Variants in PVT1 observed in about 807,000 individuals in gnomAD.
The protein encoded by PVT1 is CXCR4/PVT1 fusion.
At chr8:127,962,228 G>A (rs1303380611) in intron 3 of PVT1, among the ~76,000 whole-genome samples, 1 of 152,222 alleles carries the variant, frequency 6.6e-6, no homozygotes, top group East Asian at 1.9e-4. Context: ...GCCTCCCAAA[G>A]TGCTGGGATT....
chr8:127,909,615 A>G lies in PVT1; in HGVS notation n.782+18617A>G, dbSNP rs190058279. Among the ~76,000 whole-genome samples, 110 of 152,304 alleles carry G rather than the reference A, an allele frequency of 7.2e-4. 1 individual carries two copies. Among genetic ancestry groups the G allele is most frequent in the African/African-American group, 2.5e-3 (102 of 41,562 alleles). On this transcript the variant is annotated intron_variant and non_coding_transcript_variant, in intron 3 of 10. Transcript: ENST00000651587. ...CTCATGGGCAACTGTTTTTCATTTA[A>G]GAACTGAGTGGATTGGACCTTTAAG...
intron 4 of PVT1, among the ~76,000 whole-genome samples, chr8:128,011,087 T>C (rs1817308567): frequency 6.6e-6 from 1 of 152,186 alleles, no homozygotes; most frequent in Non-Finnish European, 1.5e-5. Context: ...GCTCATTCTG[T>C]CTTAAGGTGC....
Position 127,984,924 on chromosome 8 carries a change from TTTC to T in PVT1, n.783-4236_783-4234del, listed in dbSNP as rs1563657676. Among the ~76,000 whole-genome samples the T allele has an allele frequency of 2.2e-4, 28 of 129,090 alleles. No individual in the cohort carries two copies. In the East Asian group the frequency reaches 2.6e-3, roughly 12 times the overall value. 84.7% of individuals were successfully genotyped at this position (129,090 alleles called of 152,430 possible). A position where few individuals can be genotyped will look rare whatever the true frequency, so the allele number is the denominator to read the frequency against. ...TTCTTTCTTTCTTTCTTTCTTTCTC[TTTC>T]TCTTTCTTTCTTTCTTTCCCCTTCC... On this transcript the variant is annotated intron_variant and non_coding_transcript_variant, in intron 3 of 10. Coordinates refer to ENST00000651587, the Ensembl canonical transcript of PVT1.
At chr8:127,823,422 A>G (rs1014007423) in intron 2 of PVT1, among the ~76,000 whole-genome samples, 5 of 152,254 alleles carry the variant, frequency 3.3e-5, no homozygotes, top group African/African-American at 9.6e-5. Context: ...TTTAATTGAA[A>G]TAGCACATGC....
intron 3 of PVT1, among the ~76,000 whole-genome samples, chr8:127,975,272 A>C (rs1816811085): frequency 6.6e-6 from 1 of 152,186 alleles, no homozygotes; most frequent in Non-Finnish European, 1.5e-5. Flanking sequence ...TGCTTCCATC[A>C]ACATGTGGAC....
At chr8:127,967,945 G>A (rs1268141826) in intron 3 of PVT1, among the ~76,000 whole-genome samples, 1 of 152,192 alleles carries the variant, frequency 6.6e-6, no homozygotes, top group Admixed American at 6.5e-5. Flanking sequence ...GCTGCCTTGA[G>A]AGGGCGCTTT....
intron 5 of PVT1, among the ~76,000 whole-genome samples, chr8:128,084,160 A>T (rs536602708): frequency 6.6e-6 from 1 of 152,082 alleles, no homozygotes; most frequent in East Asian, 1.9e-4. Context: ...AGACTAAACC[A>T]CTCAAAATCT....
chr8:128,075,316 GT>G (rs779715374), intron 5 of PVT1, among the ~76,000 whole-genome samples: 35 of 151,986 alleles, frequency 2.3e-4, no homozygotes, highest in Non-Finnish European at 4.9e-4. Context: ...TCCTCCTTCT[GT>G]GTTAGAACAT....
intron 5 of PVT1, among the ~76,000 whole-genome samples, chr8:128,086,512 G>A (rs148559454): frequency 6.6e-6 from 1 of 152,176 alleles, no homozygotes; most frequent in African/African-American, 2.4e-5. Context: ...ACCAGAGCCT[G>A]TACTTATACC....
intron 3 of PVT1, among the ~76,000 whole-genome samples, chr8:127,917,353 C>T (rs1815998714): frequency 1.3e-5 from 2 of 152,154 alleles, no homozygotes; most frequent in African/African-American, 2.4e-5. Flanking sequence ...GAATAGAAGG[C>T]AAAAGTCAAA....
rs11387135 is a variant in PVT1 at position 127,954,295 on chromosome 8, CTT to C, written n.783-34848_783-34847del. 5.3e-4 allele frequency among the ~76,000 whole-genome samples: 61 copies of C among 115,980 alleles called. 2 individuals are homozygous for C. Among genetic ancestry groups the C allele is most frequent in the Admixed American group, 4.8e-3 (48 of 10,078 alleles). 76.1% of individuals were successfully genotyped at this position (115,980 alleles called of 152,430 possible). A position where few individuals can be genotyped will look rare whatever the true frequency, so the allele number is the denominator to read the frequency against. ...GTGACTGAGACTCAACAAGTACCCA[CTT>C]TTTTTTTTTTTTTTTTTTGAGACAG... is the stretch of plus-strand genomic sequence containing the variant. On this transcript the variant is annotated intron_variant and non_coding_transcript_variant, in intron 3 of 10. Coordinates refer to ENST00000651587, the Ensembl canonical transcript of PVT1.
At chr8:127,944,007 G>A (rs548884381) in intron 3 of PVT1, among the ~76,000 whole-genome samples, 16 of 152,232 alleles carry the variant, frequency 1.1e-4, no homozygotes, top group East Asian at 1.9e-4. Flanking sequence ...CATTCCATGC[G>A]CACTCAATAA....
At chr8:127,942,655 T>A (rs555471311) in intron 3 of PVT1, among the ~76,000 whole-genome samples, 4 of 152,288 alleles carry the variant, frequency 2.6e-5, no homozygotes, top group African/African-American at 9.6e-5. Context: ...ATGTTGAAGG[T>A]TCTCATTCAG....
chr8:127,845,512 G>A (rs1815021665), intron 2 of PVT1, among the ~76,000 whole-genome samples: 2 of 150,828 alleles, frequency 1.3e-5, no homozygotes, highest in South Asian at 2.1e-4. Context: ...CCCATCGTAC[G>A]CTGAAACAGA....
chr8:127,840,129 G>A lies in PVT1; in HGVS notation n.372+44058G>A, dbSNP rs73355230. ...GGTAGAAGGTGAAGTCAGAGAGGCCGGGGTCCACACTACACAGGGCCTTTG... is the reference window on the plus strand; with the variant it reads ...GGTAGAAGGTGAAGTCAGAGAGGCCAGGGTCCACACTACACAGGGCCTTTG... On this transcript the variant is annotated intron_variant and non_coding_transcript_variant, in intron 2 of 10. Coordinates refer to ENST00000651587, the Ensembl canonical transcript of PVT1. 7.8e-3 allele frequency among the ~76,000 whole-genome samples: 1,190 copies of A among 152,294 alleles called. 21 individuals carry two copies. The highest frequency in any genetic ancestry group is 0.025 in the African/African-American group (1,039 of 41,562).
At chr8:127,914,445 G>A (rs761924253) in intron 3 of PVT1, among the ~76,000 whole-genome samples, 46 of 152,090 alleles carry the variant, frequency 3.0e-4, no homozygotes, top group Non-Finnish European at 5.9e-4. Flanking sequence ...ATATGACCCA[G>A]CAATTCCACT....
intron 5 of PVT1, among the ~76,000 whole-genome samples, chr8:128,075,623 C>G (rs1814077807): frequency 6.6e-6 from 1 of 152,054 alleles, no homozygotes; most frequent in Non-Finnish European, 1.5e-5. Context: ...TCCTGCAGAC[C>G]ATTCTAATTC....
intron 4 of PVT1, among the ~76,000 whole-genome samples, chr8:128,059,403 C>G (rs1434028585): frequency 6.6e-6 from 1 of 152,136 alleles, no homozygotes; most frequent in African/African-American, 2.4e-5. Flanking sequence ...CTGTGCCCAC[C>G]ACTGTATTTG....
intron 2 of PVT1, among the ~76,000 whole-genome samples, chr8:127,823,769 A>C (rs1020592827): frequency 6.6e-6 from 1 of 152,212 alleles, no homozygotes; most frequent in Non-Finnish European, 1.5e-5. Flanking sequence ...ACAATTGATA[A>C]ATGGATGAAC....
Sources: allele counts gnomAD v4.1 joint callset (sites outside exome capture counted in the v4.1 genomes callset), GRCh38; gene constraint gnomAD v4.1.1; transcripts MANE v1.5; gene names NCBI Gene and HGNC (gene_info 2026-07-23, HGNC 2026-07-21).